The following CEP57L1 variants were observed in gnomAD, a reference collection of about 807,000 sequenced individuals.
CEP57L1 encodes the protein centrosomal protein 57 like 1, also known as centrosomal protein CEP57L1.
CEP57L1 carries 37 observed loss-of-function variants against 61.0 expected under a neutral mutation model. That is an observed-to-expected ratio of 0.61 (90% CI 0.47 to 0.80). CEP57L1 has a LOEUF of 0.80. CEP57L1 is among the 30% of genes least tolerant of loss of function. The probability of loss-of-function intolerance (pLI) is 0.00; values close to 1 mark genes in which losing one functional copy is unlikely to be tolerated. For synonymous variants in CEP57L1, 137 were observed against 162.3 expected (o/e 0.84, Z 1.19); for missense variants, 422 against 524.7 (o/e 0.80, Z 1.91).
intron 1 of CEP57L1, among the ~76,000 whole-genome samples, chr6:109,127,952 T>A (rs1182647421): frequency 1.5e-4 from 23 of 152,114 alleles, no homozygotes; most frequent in Non-Finnish European, 8.8e-5. Flanking sequence ...TAACCTTTTA[T>A]AAAATTTTGT....
At chr6:109,133,965 C>T (rs1774501945) in intron 1 of CEP57L1, among the ~76,000 whole-genome samples, 1 of 152,084 alleles carries the variant, frequency 6.6e-6, no homozygotes, top group African/African-American at 2.4e-5. Context: ...GCATTCACAG[C>T]CGAATTCTAC....
chr6:109,159,982 C>T (rs1350000298), intron 9 of CEP57L1, among the ~76,000 whole-genome samples: 1 of 152,130 alleles, frequency 6.6e-6, no homozygotes, highest in African/African-American at 2.4e-5. Flanking sequence ...TTGTTTTAGA[C>T]TCTGGCTGGT....
At chr6:109,141,171 T>C (rs769977833) in intron 1 of CEP57L1, among the ~76,000 whole-genome samples, 3 of 152,028 alleles carry the variant, frequency 2.0e-5, no homozygotes, top group African/African-American at 4.8e-5. Context: ...GAAATTTGTA[T>C]TGATGTATGG....
At chr6:109,145,838 A>G (rs1006629379) in intron 2 of CEP57L1, among the ~76,000 whole-genome samples, 2 of 152,002 alleles carry the variant, frequency 1.3e-5, no homozygotes, top group African/African-American at 4.8e-5. Flanking sequence ...CGTTTAAAAT[A>G]GAAATGTAGG....
intron 9 of CEP57L1, among the ~76,000 whole-genome samples, chr6:109,160,018 A>G (rs989213717): frequency 8.5e-5 from 13 of 152,214 alleles, no homozygotes; most frequent in African/African-American, 3.1e-4. Flanking sequence ...TGAAGCATCT[A>G]TAGTAAAGAA....
chr6:109,121,812 A>C (rs1381767951), intron 1 of CEP57L1, among the ~76,000 whole-genome samples: 1 of 152,206 alleles, frequency 6.6e-6, no homozygotes, highest in Non-Finnish European at 1.5e-5. Context: ...AATGTGATGG[A>C]AAGGGAAACA....
chr6:109,111,154 A>G (rs1450060410), intron 1 of CEP57L1, among the ~76,000 whole-genome samples: 1 of 152,186 alleles, frequency 6.6e-6, no homozygotes. Context: ...CTTCCTATCC[A>G]TGAGCATGGA....
At position 109,108,591 on chromosome 6, in the gene CEP57L1, G is replaced by A. The variant is rs1771208011; in HGVS notation, c.-4+13016G>A. On this transcript the variant is annotated intron_variant, in intron 1 of 10. Coordinates refer to ENST00000517392, the MANE Select transcript of CEP57L1 (RefSeq NM_001271852.3). Reference sequence around the variant, plus strand: ...TCAAAAAGGGGTAGATGATACCTGTGAGACCTTGTGCTGTGATTTTTTTGG... The same window carrying A: ...TCAAAAAGGGGTAGATGATACCTGTAAGACCTTGTGCTGTGATTTTTTTGG... 2.0e-5 allele frequency among the ~76,000 whole-genome samples: 3 copies of A among 152,080 alleles called. No individual in the cohort carries two copies. The South Asian group carries it at 6.2e-4, about 32-fold the overall frequency.
At chr6:109,116,120 A>G (rs1402542364) in intron 1 of CEP57L1, among the ~76,000 whole-genome samples, 7 of 136,310 alleles carry the variant, frequency 5.1e-5, no homozygotes, top group South Asian at 2.3e-4. Context: ...ATTTTATGTT[A>G]TGTGTTGTGT....
intron 1 of CEP57L1, among the ~76,000 whole-genome samples, chr6:109,123,543 C>G (rs1296160918): frequency 2.6e-5 from 4 of 152,158 alleles, no homozygotes; most frequent in Non-Finnish European, 5.9e-5. Context: ...TAAATGTTAG[C>G]TGTTTTTTAA....
At chr6:109,159,491 A>G in intron 9 of CEP57L1, 29 bp downstream of exon 9, 10 of 1,576,520 alleles carry the variant, frequency 6.3e-6, no homozygotes, top group Non-Finnish European at 8.7e-6. Context: ...TTTTTTTTTC[A>G]AGAGACAGTG....
chr6:109,161,340 A>T (rs116024953), intron 10 of CEP57L1, among the ~76,000 whole-genome samples: 1 of 152,200 alleles, frequency 6.6e-6, no homozygotes, highest in Non-Finnish European at 1.5e-5. Context: ...TAATTCCAAG[A>T]CAATGACTCC....
chr6:109,098,549 C>T (rs1369472385), intron 1 of CEP57L1, among the ~76,000 whole-genome samples: 2 of 152,192 alleles, frequency 1.3e-5, no homozygotes, highest in Non-Finnish European at 2.9e-5. Context: ...ATCCTCCCAC[C>T]TCAGTCTCCC....
intron 1 of CEP57L1, among the ~76,000 whole-genome samples, chr6:109,118,981 T>C (rs1772632902): frequency 1.3e-5 from 2 of 152,066 alleles, no homozygotes; most frequent in Admixed American, 6.5e-5. Flanking sequence ...ATTAAACATA[T>C]AGGTATGCAC....
At chr6:109,138,793 C>T (rs1451119059) in intron 1 of CEP57L1, among the ~76,000 whole-genome samples, 5 of 152,188 alleles carry the variant, frequency 3.3e-5, no homozygotes, top group Admixed American at 1.3e-4. Context: ...AATAGTCCCC[C>T]CTTGTCCATG....
At chr6:109,135,821 T>C (rs1012360568) in intron 1 of CEP57L1, among the ~76,000 whole-genome samples, 28 of 152,256 alleles carry the variant, frequency 1.8e-4, no homozygotes, top group African/African-American at 6.5e-4. Context: ...AAACTGCTCA[T>C]CATCACTGGC....
At chr6:109,135,196 G>A (rs1219801353) in intron 1 of CEP57L1, among the ~76,000 whole-genome samples, 1 of 152,148 alleles carries the variant, frequency 6.6e-6, no homozygotes, top group Non-Finnish European at 1.5e-5. Flanking sequence ...AAACAGCATG[G>A]TACCTATACC....
In CEP57L1 at chr6:109,168,224, G is replaced by A. The variant is rs1054841115; in HGVS notation, c.*5254G>A. Among the ~76,000 whole-genome samples the A allele has an allele frequency of 6.6e-6, 1 of 152,206 alleles. No homozygotes were observed. The highest frequency in any genetic ancestry group is 2.4e-5 in the African/African-American group (1 of 41,456). On this transcript the variant is annotated 3_prime_UTR_variant, in exon 11 of 11. Transcript: ENST00000517392. Reference sequence around the variant, plus strand: ...CTCTTTATTAGGCTTCTTGATTGAAGATACCAGTTCCTTTAGTAATTTCAA... The same window carrying A: ...CTCTTTATTAGGCTTCTTGATTGAAAATACCAGTTCCTTTAGTAATTTCAA...
chr6:109,098,764 A>AT (rs1353617793), intron 1 of CEP57L1, among the ~76,000 whole-genome samples: 3 of 152,126 alleles, frequency 2.0e-5, no homozygotes, highest in African/African-American at 7.2e-5. Flanking sequence ...AAGTGCTGAG[A>AT]TTAGAGGCAT....
Sources: gnomAD v4.1 joint callset for allele counts (sites outside exome capture counted in the v4.1 genomes callset) on GRCh38, gnomAD v4.1.1 for gene constraint, MANE v1.5 for transcripts, NCBI Gene and HGNC (gene_info 2026-07-23, HGNC 2026-07-21) for gene names.